The following GLRA2 variants were observed in gnomAD, a reference collection of about 807,000 sequenced individuals.
The protein encoded by GLRA2 is glycine receptor subunit alpha-2.
A neutral mutation model predicts 31.6 loss-of-function variants in GLRA2; 11 were observed. The observed-to-expected ratio is 0.35, with a 90% confidence interval of 0.22 to 0.58. The LOEUF (loss-of-function observed/expected upper bound fraction) is 0.58. Among genes scored for constraint, GLRA2 ranks in the 20% least tolerant of loss-of-function variants. The pLI is 0.84. For synonymous variants in GLRA2, 132 were observed against 134.0 expected (o/e 0.99, Z 0.10); for missense variants, 212 against 351.8 (o/e 0.60, Z 3.18).
intron 2 of GLRA2, among the ~76,000 whole-genome samples, chrX:14,569,934 C>T (rs1025471201): frequency 1.6e-4 from 18 of 112,210 alleles, no homozygotes; most frequent in Admixed American, 4.7e-4. Flanking sequence ...GAAAGAAATT[C>T]TGATACATGC....
chrX:14,449,042 A>T, the GLRA2 span, among the ~76,000 whole-genome samples: 1 of 111,800 alleles, frequency 8.9e-6, no homozygotes, highest in African/African-American at 3.3e-5. Context: ...TCATTCACCC[A>T]CTCCCTTCAG....
the GLRA2 span, among the ~76,000 whole-genome samples, chrX:14,474,592 A>G: frequency 6.3e-5 from 7 of 110,837 alleles, no homozygotes; most frequent in South Asian, 2.7e-3. Flanking sequence ...TGGCTGGCTT[A>G]CTTTAATATC....
chrX:14,685,404 T>C (rs1649503490), intron 7 of GLRA2, among the ~76,000 whole-genome samples: 2 of 111,891 alleles, frequency 1.8e-5, no homozygotes, highest in African/African-American at 6.5e-5. Context: ...CCATCTCCTC[T>C]TTGTACCTCT....
At chrX:14,597,262 G>C (rs977064345) in intron 4 of GLRA2, among the ~76,000 whole-genome samples, 1 of 111,795 alleles carries the variant, frequency 8.9e-6, no homozygotes, top group African/African-American at 3.2e-5. Flanking sequence ...TAGGATGTTG[G>C]ATGACAAAGC....
rs950606664 is a variant in GLRA2 at position 14,680,115 on chromosome X, A to C, written c.931-10595A>C. 2.7e-5 allele frequency among the ~76,000 whole-genome samples: 3 copies of C among 112,585 alleles called. No homozygotes were observed. The Admixed American group carries it at 2.8e-4, about 11-fold the overall frequency. On this transcript the variant is annotated intron_variant, in intron 7 of 8. Coordinates refer to ENST00000218075, the MANE Select transcript of GLRA2 (RefSeq NM_002063.4). Reference sequence around the variant, plus strand: ...GAATGAATATGGCTGTCTTCAAATAAAACTTTATTTATAAAACAGGCAGTG... The same window carrying C: ...GAATGAATATGGCTGTCTTCAAATACAACTTTATTTATAAAACAGGCAGTG...
At chrX:14,509,407 C>T in the GLRA2 span, among the ~76,000 whole-genome samples, 2 of 112,729 alleles carry the variant, frequency 1.8e-5, no homozygotes, top group African/African-American at 6.4e-5. Context: ...TCCAAGAAAA[C>T]GGACCACCTT....
chrX:14,469,888 T>A, the GLRA2 span, among the ~76,000 whole-genome samples: 4 of 111,314 alleles, frequency 3.6e-5, no homozygotes, highest in Non-Finnish European at 7.5e-5. Flanking sequence ...TTTTAGTTTG[T>A]TGCTTTTTTA....
intron 7 of GLRA2, among the ~76,000 whole-genome samples, chrX:14,625,038 A>G (rs185537377): frequency 8.0e-5 from 9 of 111,833 alleles, no homozygotes; most frequent in African/African-American, 2.9e-4. Context: ...GTGCTCCTGT[A>G]TTGGCTGCAT....
chrX:14,695,322 T>C (rs1336298153), intron 8 of GLRA2, among the ~76,000 whole-genome samples: 1 of 111,679 alleles, frequency 9.0e-6, no homozygotes, highest in Non-Finnish European at 1.9e-5. Context: ...GAATAAAATG[T>C]GTGCTCATGG....
rs765341041 is a variant in GLRA2, at chrX:14,563,998, TAGA to T, written c.203-10332_203-10330del. ...ATCAAATAGACCAATATACACATTC[TAGA>T]AGTTCCAGAAGAATAAAGAGTGGAA... On this transcript the variant is annotated intron_variant, in intron 2 of 8. Coordinates refer to ENST00000218075, the MANE Select transcript of GLRA2 (RefSeq NM_002063.4). Among the ~76,000 whole-genome samples, 7 of 111,246 alleles carry T rather than the reference TAGA, an allele frequency of 6.3e-5. No homozygotes were observed. In the South Asian group the frequency reaches 1.9e-3, roughly 30 times the overall value.
chrX:14,653,074 A>G (rs2090905637), intron 7 of GLRA2, among the ~76,000 whole-genome samples: 1 of 111,460 alleles, frequency 9.0e-6, no homozygotes, highest in Non-Finnish European at 1.9e-5. Flanking sequence ...TCTTTTCAAA[A>G]TATTACTGGT....
chrX:14,505,013 G>A, the GLRA2 span, among the ~76,000 whole-genome samples: 1 of 111,782 alleles, frequency 8.9e-6, no homozygotes, highest in Non-Finnish European at 1.9e-5. Context: ...CACATGAATG[G>A]CAAATGACAC....
At chrX:14,467,552 G>A in the GLRA2 span, among the ~76,000 whole-genome samples, 1 of 112,332 alleles carries the variant, frequency 8.9e-6, no homozygotes, top group East Asian at 2.8e-4. Context: ...TGAAGGTCTG[G>A]ATTTGCAGAC....
the GLRA2 span, among the ~76,000 whole-genome samples, chrX:14,492,489 A>G: frequency 2.0e-4 from 22 of 112,072 alleles, no homozygotes; most frequent in Non-Finnish European, 4.1e-4. Flanking sequence ...GGAATACTAA[A>G]TAAACACATA....
chrX:14,468,949 T>C, the GLRA2 span, among the ~76,000 whole-genome samples: 1 of 111,104 alleles, frequency 9.0e-6, no homozygotes, highest in African/African-American at 3.3e-5. Flanking sequence ...GTTTTTTGGC[T>C]GCATAAATGT....
intron 7 of GLRA2, among the ~76,000 whole-genome samples, chrX:14,647,047 G>C (rs1265284477): frequency 9.0e-6 from 1 of 111,697 alleles, no homozygotes; most frequent in Non-Finnish European, 1.9e-5. Context: ...ACACGGGGAA[G>C]CATGAACAGA....
intron 2 of GLRA2, among the ~76,000 whole-genome samples, chrX:14,554,807 C>A (rs2089619110): frequency 9.0e-6 from 1 of 111,565 alleles, no homozygotes; most frequent in Non-Finnish European, 1.9e-5. Context: ...TTAGCCTCTT[C>A]CACAGTGGGG....
chrX:14,562,682 C>G (rs2089748640), intron 2 of GLRA2, among the ~76,000 whole-genome samples: 1 of 112,126 alleles, frequency 8.9e-6, no homozygotes. Context: ...TCTGCCTTCT[C>G]ACTGCATTTT....
chrX:14,640,630 C>G (rs920307157), intron 7 of GLRA2, among the ~76,000 whole-genome samples: 1 of 111,247 alleles, frequency 9.0e-6, no homozygotes, highest in African/African-American at 3.3e-5. Flanking sequence ...ACTTTTGCCT[C>G]TTACTGAACT....
Sources: gnomAD v4.1 joint callset for allele counts (sites outside exome capture counted in the v4.1 genomes callset) on GRCh38, gnomAD v4.1.1 for gene constraint, MANE v1.5 for transcripts, NCBI Gene and HGNC (gene_info 2026-07-23, HGNC 2026-07-21) for gene names.